XPR1: variants seen among roughly 807,000 people sequenced by gnomAD.
XPR1 encodes the protein solute carrier family 53 member 1.
In XPR1, 28 loss-of-function variants were observed where a neutral mutation model predicts 87.5. The observed-to-expected ratio is 0.32, with a 90% CI of 0.24 to 0.44. XPR1 has a LOEUF of 0.44. Ranked by LOEUF, XPR1 falls within the 20% of genes least tolerant of loss-of-function variation. XPR1 has a pLI of 1.00. For missense variants in XPR1, 559 were observed against 862.3 expected (o/e 0.65, Z 4.41); for synonymous variants, 300 against 306.1 (o/e 0.98, Z 0.21).
rs911946478 is a variant in XPR1 at position 180,723,317 on chromosome 1, T to C, written c.121+40906T>C. Among the ~76,000 whole-genome samples, 9 of 152,336 alleles carry C rather than the reference T, an allele frequency of 5.9e-5. No individual in the cohort carries two copies. In the East Asian group the frequency reaches 1.7e-3, roughly 29 times the overall value. ...TTCTGAAATTTAGCATGTGCACATA[T>C]TTTTGAGATTTACAACTATTGTTAT... On this transcript the variant is annotated intron_variant, in intron 2 of 14. Coordinates refer to ENST00000367590, the MANE Select transcript of XPR1 (RefSeq NM_004736.4).
chr1:180,707,598 C>T (rs1657601956), intron 2 of XPR1, among the ~76,000 whole-genome samples: 1 of 152,118 alleles, frequency 6.6e-6, no homozygotes, highest in Non-Finnish European at 1.5e-5. Context: ...TCCCCTGTTC[C>T]TGTTTATAGA....
chr1:180,794,618 T>G (rs1177283777), intron 3 of XPR1, among the ~76,000 whole-genome samples: 3 of 152,186 alleles, frequency 2.0e-5, no homozygotes, highest in African/African-American at 4.8e-5. Flanking sequence ...AAAGTGGGAT[T>G]GAGGAAAAGC....
chr1:180,844,657 G>A (rs1327734902), intron 11 of XPR1, among the ~76,000 whole-genome samples: 1 of 152,220 alleles, frequency 6.6e-6, no homozygotes. Flanking sequence ...GCTGGGAATT[G>A]ACTGGACTAG....
chr1:180,778,042 G>A (rs143526843), intron 2 of XPR1, among the ~76,000 whole-genome samples: 13 of 152,010 alleles, frequency 8.6e-5, no homozygotes, highest in Non-Finnish European at 1.5e-4. Context: ...AGAGTATAAC[G>A]TGATTACAGC....
intron 2 of XPR1, among the ~76,000 whole-genome samples, chr1:180,710,677 C>T (rs969388965): frequency 1.3e-5 from 2 of 152,246 alleles, no homozygotes; most frequent in African/African-American, 4.8e-5. Flanking sequence ...GACAAAACCG[C>T]CATTGTCATC....
intron 11 of XPR1, among the ~76,000 whole-genome samples, chr1:180,853,420 C>G (rs899523138): frequency 6.6e-6 from 1 of 152,034 alleles, no homozygotes; most frequent in African/African-American, 2.4e-5. Context: ...TTTCCTGTAT[C>G]TTTGGTGAGA....
chr1:180,788,318 CTT>C (rs1491268100), intron 3 of XPR1, among the ~76,000 whole-genome samples: 1 of 152,064 alleles, frequency 6.6e-6, no homozygotes, highest in Non-Finnish European at 1.5e-5. Context: ...AATATTGGAA[CTT>C]ATATATATAT....
intron 2 of XPR1, among the ~76,000 whole-genome samples, chr1:180,705,570 A>G (rs1181944594): frequency 6.6e-6 from 1 of 152,242 alleles, no homozygotes; most frequent in African/African-American, 2.4e-5. Context: ...CATTACAACA[A>G]GAAAATGAGA....
At chr1:180,667,641 C>G (rs984979536) in intron 1 of XPR1, among the ~76,000 whole-genome samples, 1 of 152,136 alleles carries the variant, frequency 6.6e-6, no homozygotes, top group African/African-American at 2.4e-5. Context: ...GCATTTCCTC[C>G]TGTTCAGTTT....
chr1:180,863,254 T>A (rs1055901567), intron 11 of XPR1, among the ~76,000 whole-genome samples: 1 of 152,110 alleles, frequency 6.6e-6, no homozygotes, highest in Non-Finnish European at 1.5e-5. Flanking sequence ...ATGGACAACA[T>A]CTAAGTGTAT....
chr1:180,883,988 C>A lies in XPR1; in HGVS notation c.2031-18C>A, dbSNP rs765512507. The A allele has an allele frequency of 1.9e-6, 3 of 1,610,124 alleles. No individual in the cohort carries two copies. The Admixed American group carries it at 5.1e-5, about 27-fold the overall frequency. On this transcript the variant is annotated intron_variant, in intron 14 of 14. Transcript: ENST00000367590. Reference sequence around the variant, plus strand: ...GGGTAATGGACTAAGTGCTTTTTGTCCCCCTTGTTACCACTAGATCCAAGG... The same window carrying A: ...GGGTAATGGACTAAGTGCTTTTTGTACCCCTTGTTACCACTAGATCCAAGG...
At position 180,658,186 on chromosome 1, in the gene XPR1, G is replaced by A. The variant is rs377064221; in HGVS notation, c.70-24174G>A. On this transcript the variant is annotated intron_variant, in intron 1 of 14. Transcript: ENST00000367590. ...GTTTAGCAATTCTAATAGTCTTTTC[G>A]GTGGAATGTTTAGGTTTTTCCAATT... Among the ~76,000 whole-genome samples, 45 of 152,148 alleles carry A rather than the reference G, an allele frequency of 3.0e-4. 1 individual carries two copies. Among genetic ancestry groups the A allele is most frequent in the Middle Eastern group, 3.4e-3 (1 of 292 alleles).
chr1:180,836,788 T>G, intron 11 of XPR1, 72 bp downstream of exon 11: 1 of 1,524,104 alleles, frequency 6.6e-7, no homozygotes, highest in South Asian at 1.2e-5. Flanking sequence ...TTTCTTACTC[T>G]GGCTACTTTT....
At chr1:180,839,887 A>T (rs907762426) in intron 11 of XPR1, among the ~76,000 whole-genome samples, 1 of 152,238 alleles carries the variant, frequency 6.6e-6, no homozygotes, top group Non-Finnish European at 1.5e-5. Flanking sequence ...TGCATACCAA[A>T]GTTGGTGTCT....
At chr1:180,722,625 A>G (rs1389224173) in intron 2 of XPR1, among the ~76,000 whole-genome samples, 1 of 152,162 alleles carries the variant, frequency 6.6e-6, no homozygotes, top group Non-Finnish European at 1.5e-5. Flanking sequence ...ATTTATAGTT[A>G]TTAACCTTGA....
At chr1:180,709,206 G>A (rs531085855) in intron 2 of XPR1, among the ~76,000 whole-genome samples, 13 of 152,260 alleles carry the variant, frequency 8.5e-5, no homozygotes, top group East Asian at 7.7e-4. Context: ...ATGAGCCGCC[G>A]TGCCCGGCCA....
chr1:180,632,095 G>C lies in XPR1; in HGVS notation c.-107G>C. 1 of 1,370,060 alleles carries C rather than the reference G, an allele frequency of 7.3e-7. No individual in the cohort carries two copies. The allele number at this position is 1,370,060 out of a possible 1,614,324, so 84.9% of individuals were successfully genotyped here. On this transcript the variant is annotated 5_prime_UTR_variant, in exon 1 of 15. Coordinates refer to ENST00000367590, the MANE Select transcript of XPR1 (RefSeq NM_004736.4). ...GGCGGCGGCGGAGGAGGAGAGAAGC[G>C]CAGCGCCGCGCCGCGCCGGGGCCCA...
intron 3 of XPR1, among the ~76,000 whole-genome samples, chr1:180,793,852 T>G (rs1649473058): frequency 6.6e-6 from 1 of 152,170 alleles, no homozygotes; most frequent in South Asian, 2.1e-4. Context: ...CTTTCTCTCC[T>G]TTTTTTCTCT....
At chr1:180,877,047 A>T (rs141793194) in intron 13 of XPR1, among the ~76,000 whole-genome samples, 62 of 152,374 alleles carry the variant, frequency 4.1e-4, no homozygotes, top group African/African-American at 1.4e-3. Context: ...AGTCATTTTT[A>T]AAAACAGTCA....
Sources: allele counts gnomAD v4.1 joint callset (sites outside exome capture counted in the v4.1 genomes callset), GRCh38; gene constraint gnomAD v4.1.1; transcripts MANE v1.5; gene names NCBI Gene and HGNC (gene_info 2026-07-23, HGNC 2026-07-21).